Variants in CEP120 observed in about 807,000 individuals in gnomAD.
CEP120 encodes centrosomal protein 120.
Under a neutral mutation model 126.5 loss-of-function variants are expected in CEP120, and 113 were observed. The observed-to-expected ratio is 0.89, with a 90% CI of 0.77 to 1.04. The LOEUF is 1.04. CEP120 is among the 50% of genes least tolerant of loss of function. The pLI is 0.00. For missense variants in CEP120, 1,230 were observed against 1,155.7 expected, an observed-to-expected ratio of 1.06 and a Z score of -0.93; for synonymous variants, 400 against 394.3, an observed-to-expected ratio of 1.01 and a Z score of -0.17.
Position 123,389,910 on chromosome 5 carries a change from A to G in CEP120, c.1255+14T>C. 1.2e-6 allele frequency: 2 copies of G among 1,606,342 alleles called. No individual in the cohort carries two copies. The highest frequency in any genetic ancestry group is 1.7e-6 in the Non-Finnish European group (2 of 1,173,290). On this transcript the variant is annotated intron_variant, in intron 8 of 19. Transcript: ENST00000306467. ...TACCTCAAAGATCTATAAACAAACA[A>G]CAAAAAACCTTACCTTTTGGATTTG...
At chr5:123,397,806 G>A (rs189048650) in intron 5 of CEP120, among the ~76,000 whole-genome samples, 21 of 152,330 alleles carry the variant, frequency 1.4e-4, no homozygotes, top group African/African-American at 4.8e-4. Flanking sequence ...AAATAAGGCC[G>A]GGCATGGTGG....
rs957483518 is a variant in CEP120, at chr5:123,377,235, T to A, written c.2358+139A>T. On this transcript the variant is annotated intron_variant, in intron 16 of 19. Coordinates refer to ENST00000306467, the MANE Select transcript of CEP120 (RefSeq NM_001375405.1). ...AAAAAGATCCAACTTAAAGTATATT[T>A]GAATCTCAGTGCAATAATATGATTA... The A allele has an allele frequency of 1.7e-5, 13 of 747,116 alleles. No individual in the cohort carries two copies. The African/African-American group carries it at 2.4e-4, about 14-fold the overall frequency. The allele number at this position is 747,116 out of a possible 1,614,324, so 46.3% of individuals were successfully genotyped here.
chr5:123,399,623 G>A (rs967910580), intron 4 of CEP120, among the ~76,000 whole-genome samples: 3 of 152,160 alleles, frequency 2.0e-5, no homozygotes, highest in African/African-American at 7.2e-5. Flanking sequence ...GCTGAACAGG[G>A]AATGGGGGAG....
intron 14 of CEP120, among the ~76,000 whole-genome samples, chr5:123,378,734 G>A (rs1297241366): frequency 6.6e-6 from 1 of 152,060 alleles, no homozygotes; most frequent in Non-Finnish European, 1.5e-5. Context: ...TACAGAGGAT[G>A]GAAACAAAAG....
chr5:123,378,247 C>T (rs1424857618), intron 15 of CEP120, 89 bp downstream of exon 15: 18 of 940,454 alleles, frequency 1.9e-5, no homozygotes, highest in Non-Finnish European at 2.8e-5. Flanking sequence ...TCTCTCGGGA[C>T]TCTTTTGCAT....
intron 18 of CEP120, among the ~76,000 whole-genome samples, chr5:123,351,248 CA>C (rs1769179454): frequency 6.6e-6 from 1 of 152,072 alleles, no homozygotes; most frequent in South Asian, 2.1e-4. Flanking sequence ...ATTTTAAAAA[CA>C]AAAATAAGTT....
At chr5:123,423,641 A>G (rs1774872290), upstream of CEP120, 1 of 152,652 alleles carries the variant, frequency 6.6e-6, no homozygotes, top group East Asian at 1.9e-4. Context: ...GTAGCGTATT[A>G]CCTGCTTTAT....
At chr5:123,347,535 C>T (rs1291372185) in intron 19 of CEP120, among the ~76,000 whole-genome samples, 1 of 152,102 alleles carries the variant, frequency 6.6e-6, no homozygotes, top group Admixed American at 6.6e-5. Context: ...TTGTTATAAT[C>T]TCATTTGGGG....
intron 10 of CEP120, among the ~76,000 whole-genome samples, chr5:123,386,262 T>G (rs1228238108): frequency 6.6e-6 from 1 of 152,142 alleles, no homozygotes; most frequent in African/African-American, 2.4e-5. Context: ...ACATATAGTT[T>G]GTTTTAACAA....
Position 123,346,580 on chromosome 5 carries a change from A to T in CEP120, c.2900T>A (p.Ile967Lys). 6.2e-7 allele frequency: 1 copy of T among 1,613,904 alleles called. No individual in the cohort carries two copies. Among genetic ancestry groups the T allele is most frequent in the Non-Finnish European group, 8.5e-7 (1 of 1,179,944 alleles). Residue 967 changes from isoleucine (I) to lysine (K), a missense_variant, in exon 20 of 20, where the codon ATA (isoleucine) becomes AAA (lysine). Ile to Lys is a moderately radical substitution (Grantham distance 102). Coordinates refer to ENST00000306467, the MANE Select transcript of CEP120 (RefSeq NM_001375405.1). ...GATCTGTCGGTCGAGTTCACTTATT[A>T]TTCGATCCTCGTGATTATACACACC... ...RTGVYNHEDR[I>K]ISELDRQIRE...
At chr5:123,414,640 G>T (rs1013126149) in intron 3 of CEP120, among the ~76,000 whole-genome samples, 1 of 151,906 alleles carries the variant, frequency 6.6e-6, no homozygotes, top group Non-Finnish European at 1.5e-5. Context: ...TTCTAAAGTC[G>T]GTCACATACA....
intron 4 of CEP120, chr5:123,401,587 G>A (rs547087461): frequency 7.1e-7 from 1 of 1,407,670 alleles, no homozygotes; most frequent in Non-Finnish European, 1.0e-6. Context: ...TGTCCAGGGA[G>A]CGGCTGTTGT....
intron 4 of CEP120, among the ~76,000 whole-genome samples, chr5:123,411,923 G>C (rs1580737254): frequency 1.3e-5 from 2 of 152,222 alleles, no homozygotes; most frequent in Non-Finnish European, 1.5e-5. Flanking sequence ...TTGACAGCAA[G>C]AGAGGCTGCA....
chr5:123,396,906 G>A (rs1772829483), intron 5 of CEP120, among the ~76,000 whole-genome samples: 2 of 152,132 alleles, frequency 1.3e-5, no homozygotes, highest in Non-Finnish European at 2.9e-5. Context: ...GATTGTGGTA[G>A]GATTAAACAC....
chr5:123,354,832 C>T (rs950995299), intron 18 of CEP120, among the ~76,000 whole-genome samples: 13 of 151,806 alleles, frequency 8.6e-5, no homozygotes, highest in African/African-American at 2.7e-4. Flanking sequence ...ATGTGCACAA[C>T]ATGCAAGTTT....
intron 4 of CEP120, among the ~76,000 whole-genome samples, chr5:123,407,201 C>A (rs1345444724): frequency 6.8e-6 from 1 of 146,668 alleles, no homozygotes; most frequent in African/African-American, 2.5e-5. Context: ...CAGACAAAAA[C>A]AGGAATAAGA....
At position 123,383,003 on chromosome 5, in the gene CEP120, T is replaced by A. The variant is rs753544415; in HGVS notation, c.1843A>T (p.Ile615Phe). 1.2e-6 allele frequency: 2 copies of A among 1,600,490 alleles called. No individual in the cohort carries two copies. Among genetic ancestry groups the A allele is most frequent in the East Asian group, 4.5e-5 (2 of 44,728 alleles). Residue 615 changes from isoleucine (I) to phenylalanine (F), a missense_variant, in exon 12 of 20, where the codon ATC becomes TTC. Transcript: ENST00000306467. Reference protein sequence around the residue: ...YGLVKMREIFISDSSQGVSAV... With the variant: ...YGLVKMREIFFSDSSQGVSAV... Reference sequence around the variant, plus strand: ...ATATTTACCTGAGATGAATCAGAGATAAAAATCTCACGCATTTTTACTAGT... The same window carrying A: ...ATATTTACCTGAGATGAATCAGAGAAAAAAATCTCACGCATTTTTACTAGT...
intron 18 of CEP120, among the ~76,000 whole-genome samples, chr5:123,355,623 T>C (rs1372658858): frequency 6.6e-6 from 1 of 152,188 alleles, no homozygotes; most frequent in Non-Finnish European, 1.5e-5. Context: ...GCCCACTTTT[T>C]GATGGGGTTG....
chr5:123,399,014 C>T, intron 5 of CEP120, 122 bp downstream of exon 5: 2 of 622,172 alleles, frequency 3.2e-6, no homozygotes, highest in Non-Finnish European at 5.1e-6. Context: ...ATGTTTTGAA[C>T]TCATTTTTCA....
Sources: gnomAD v4.1 joint callset for allele counts (sites outside exome capture counted in the v4.1 genomes callset) on GRCh38, gnomAD v4.1.1 for gene constraint, MANE v1.5 for transcripts, NCBI Gene and HGNC (gene_info 2026-07-23, HGNC 2026-07-21) for gene names.